ARHGEF3: variants seen among roughly 807,000 people sequenced by gnomAD.
The protein encoded by ARHGEF3 is 59.8 kDA protein.
Under a neutral mutation model 63.2 loss-of-function variants are expected in ARHGEF3, and 28 were observed. That is an observed-to-expected ratio of 0.44 (90% CI 0.33 to 0.61). ARHGEF3 has a LOEUF of 0.61. Ranked by LOEUF, ARHGEF3 falls within the 20% of genes least tolerant of loss-of-function variation. The probability of loss-of-function intolerance (pLI) is 0.03; values close to 1 mark genes in which losing one functional copy is unlikely to be tolerated. For synonymous variants in ARHGEF3, 266 were observed against 254.2 expected, an observed-to-expected ratio of 1.05 and a Z score of -0.44; for missense variants, 533 against 659.3, an observed-to-expected ratio of 0.81 and a Z score of 2.10.
intron 3 of ARHGEF3, among the ~76,000 whole-genome samples, chr3:56,919,697 A>G (rs535915108): frequency 9.4e-4 from 143 of 152,366 alleles, no homozygotes; most frequent in Non-Finnish European, 9.7e-4. Context: ...AACCACAGCG[A>G]CTAAGGATTT....
chr3:56,998,408 T>A (rs1702071311), intron 2 of ARHGEF3, among the ~76,000 whole-genome samples: 1 of 84,074 alleles, frequency 1.2e-5, no homozygotes, highest in Admixed American at 1.1e-4. Context: ...TCATCCTGAC[T>A]TTTTTTTTTT....
At chr3:56,939,171 C>T (rs1699053512) in intron 3 of ARHGEF3, among the ~76,000 whole-genome samples, 1 of 152,128 alleles carries the variant, frequency 6.6e-6, no homozygotes, top group Admixed American at 6.5e-5. Flanking sequence ...GGACTTTTAC[C>T]AACCTCCACG....
intron 2 of ARHGEF3, among the ~76,000 whole-genome samples, chr3:56,761,470 T>A (rs1438175814): frequency 2.0e-5 from 3 of 152,016 alleles, no homozygotes; most frequent in African/African-American, 7.2e-5. Context: ...ACATGTGCTG[T>A]ATTTATAGGT....
At chr3:56,971,143 G>T (rs562681131) in intron 2 of ARHGEF3, among the ~76,000 whole-genome samples, 2 of 152,068 alleles carry the variant, frequency 1.3e-5, no homozygotes, top group Non-Finnish European at 2.9e-5. Flanking sequence ...TTCATGGTGC[G>T]GCCCTCAGTA....
At chr3:56,953,334 C>A (rs756401732) in intron 3 of ARHGEF3, among the ~76,000 whole-genome samples, 22 of 152,326 alleles carry the variant, frequency 1.4e-4, no homozygotes, top group Middle Eastern at 6.8e-3. Context: ...CAACTTCCTT[C>A]TATACACGGA....
chr3:56,920,927 C>T (rs1427947855), intron 3 of ARHGEF3, among the ~76,000 whole-genome samples: 1 of 151,726 alleles, frequency 6.6e-6, no homozygotes, highest in Non-Finnish European at 1.5e-5. Flanking sequence ...TGGTGGCGGG[C>T]ACCTGTAGTC....
At chr3:57,016,520 C>G (rs1703011174) in intron 2 of ARHGEF3, among the ~76,000 whole-genome samples, 1 of 151,992 alleles carries the variant, frequency 6.6e-6, no homozygotes, top group Admixed American at 6.6e-5. Context: ...CGCACTCCAG[C>G]CTGGGCAACA....
At chr3:56,739,396 CTTTTTTT>C (rs11309388) in intron 7 of ARHGEF3, among the ~76,000 whole-genome samples, 2 of 133,434 alleles carry the variant, frequency 1.5e-5, no homozygotes, top group Admixed American at 7.6e-5. Flanking sequence ...AATTATTTTC[CTTTTTTT>C]TTTTTTTTTT....
At chr3:56,803,460 A>C (rs995171932), upstream of ARHGEF3, among the ~76,000 whole-genome samples, 6 of 151,546 alleles carry the variant, frequency 4.0e-5, no homozygotes, top group Non-Finnish European at 8.8e-5. Flanking sequence ...AGAAAAAAAG[A>C]AAGAAATAGA....
chr3:56,937,236 G>A (rs981611327), intron 3 of ARHGEF3, among the ~76,000 whole-genome samples: 1 of 152,192 alleles, frequency 6.6e-6, no homozygotes, highest in Non-Finnish European at 1.5e-5. Flanking sequence ...TATGAATATA[G>A]ATGGAATATT....
intron 1 of ARHGEF3, chr3:57,073,505 T>C: frequency 1.2e-6 from 1 of 849,474 alleles, no homozygotes; most frequent in South Asian, 2.0e-5. Flanking sequence ...CTCTGCAGTA[T>C]CTGGGTGACT....
intron 3 of ARHGEF3, among the ~76,000 whole-genome samples, chr3:56,921,755 T>C (rs2042148680): frequency 6.6e-6 from 1 of 152,202 alleles, no homozygotes; most frequent in Admixed American, 6.5e-5. Context: ...GAGCCCTGCT[T>C]AGTATCCCAG....
chr3:56,732,561 C>G, intron 8 of ARHGEF3, 137 bp from the exon 9 acceptor site: 1 of 999,392 alleles, frequency 1.0e-6, no homozygotes, highest in Non-Finnish European at 1.5e-6. Context: ...AATCTACCTC[C>G]AGGAGAACCA....
At chr3:56,804,443 C>T (rs758874584), upstream of ARHGEF3, among the ~76,000 whole-genome samples, 4 of 152,172 alleles carry the variant, frequency 2.6e-5, no homozygotes, top group Non-Finnish European at 4.4e-5. Flanking sequence ...GCTCTTCATC[C>T]CAGGTATCAA....
intron 1 of ARHGEF3, among the ~76,000 whole-genome samples, chr3:57,043,720 A>G (rs1704327508): frequency 6.6e-6 from 1 of 152,136 alleles, no homozygotes; most frequent in Non-Finnish European, 1.5e-5. Flanking sequence ...AACAAGGAGG[A>G]AAAAGAGATT....
intron 1 of ARHGEF3, among the ~76,000 whole-genome samples, chr3:57,036,184 T>C (rs1703955892): frequency 6.6e-6 from 1 of 152,060 alleles, no homozygotes; most frequent in Non-Finnish European, 1.5e-5. Context: ...GAGGGGATGT[T>C]AATAAGCAGG....
At chr3:56,786,842 T>C (rs2036844258) in intron 1 of ARHGEF3, among the ~76,000 whole-genome samples, 1 of 151,378 alleles carries the variant, frequency 6.6e-6, no homozygotes, top group African/African-American at 2.4e-5. Context: ...GGGTAGACAG[T>C]GGCAACTGAC....
chr3:56,761,448 T>C (rs763352088), intron 2 of ARHGEF3, among the ~76,000 whole-genome samples: 5 of 152,178 alleles, frequency 3.3e-5, no homozygotes, highest in Non-Finnish European at 5.9e-5. Context: ...TTCTCTTTTT[T>C]TTTTATATTC....
intron 4 of ARHGEF3, among the ~76,000 whole-genome samples, chr3:56,871,053 C>T (rs1168802901): frequency 6.6e-6 from 1 of 152,050 alleles, no homozygotes; most frequent in Admixed American, 6.6e-5. Flanking sequence ...ATCTAAATAT[C>T]TGGAAGGAGA....
Sources: allele counts gnomAD v4.1 joint callset (sites outside exome capture counted in the v4.1 genomes callset), GRCh38; gene constraint gnomAD v4.1.1; transcripts MANE v1.5; gene names NCBI Gene and HGNC (gene_info 2026-07-23, HGNC 2026-07-21).